The following FAT3 variants were observed in gnomAD, a reference collection of about 807,000 sequenced individuals.
FAT3 encodes the protein protocadherin Fat 3.
Under a neutral mutation model 310.2 loss-of-function variants are expected in FAT3, and 95 were observed. The ratio of observed to expected loss-of-function variants is 0.31; its 90% CI spans 0.26 to 0.36. FAT3 has a LOEUF of 0.36. FAT3 is among the 10% of genes least tolerant of loss of function. FAT3 has a pLI of 1.00. For missense variants in FAT3, 5,408 were observed against 5,715.6 expected (o/e 0.95, Z 1.74); for synonymous variants, 2,314 against 2,192.9 (o/e 1.06, Z -1.54).
intron 3 of FAT3, among the ~76,000 whole-genome samples, chr11:92,542,798 A>G (rs548420184): frequency 1.3e-5 from 2 of 152,232 alleles, no homozygotes; most frequent in South Asian, 2.1e-4. Flanking sequence ...TAAAGTTACC[A>G]TATGATCCAG....
At chr11:92,579,342 G>A (rs1367733593) in intron 3 of FAT3, among the ~76,000 whole-genome samples, 1 of 152,004 alleles carries the variant, frequency 6.6e-6, no homozygotes, top group Non-Finnish European at 1.5e-5. Context: ...AAAGAAATTG[G>A]TTTAAATTAT....
chr11:92,374,847 T>A (rs550450483), intron 2 of FAT3, among the ~76,000 whole-genome samples: 76 of 121,268 alleles, frequency 6.3e-4, no homozygotes, highest in African/African-American at 4.3e-3. Flanking sequence ...ACAGCAGTTT[T>A]TTTTTTTAAT....
At chr11:92,541,957 T>C (rs1200177805) in intron 3 of FAT3, among the ~76,000 whole-genome samples, 1 of 152,154 alleles carries the variant, frequency 6.6e-6, no homozygotes, top group Non-Finnish European at 1.5e-5. Context: ...CTGTTTTACA[T>C]GATGAAAGTC....
intron 1 of FAT3, among the ~76,000 whole-genome samples, chr11:92,229,872 A>C (rs1232385300): frequency 6.6e-6 from 1 of 151,616 alleles, no homozygotes; most frequent in African/African-American, 2.4e-5. Flanking sequence ...GATAGAAAAT[A>C]GAAAACAGAT....
intron 2 of FAT3, among the ~76,000 whole-genome samples, chr11:92,388,707 G>T (rs375478847): frequency 6.6e-5 from 10 of 152,088 alleles, no homozygotes; most frequent in African/African-American, 2.2e-4. Flanking sequence ...GATTTTCAAA[G>T]AAATATATGC....
chr11:92,668,814 C>T (rs2135816694), intron 3 of FAT3, among the ~76,000 whole-genome samples: 1 of 152,316 alleles, frequency 6.6e-6, no homozygotes, highest in African/African-American at 2.4e-5. Context: ...AACTTCTGAG[C>T]ACCTTCTAAG....
intron 1 of FAT3, among the ~76,000 whole-genome samples, chr11:92,282,998 G>A (rs1323131360): frequency 6.6e-6 from 1 of 151,960 alleles, no homozygotes; most frequent in Admixed American, 6.6e-5. Flanking sequence ...ATACTAAATT[G>A]TTCACTTATT....
intron 3 of FAT3, among the ~76,000 whole-genome samples, chr11:92,530,403 A>G (rs536359741): frequency 6.6e-6 from 1 of 152,248 alleles, no homozygotes; most frequent in African/African-American, 2.4e-5. Context: ...CAAGACAGCA[A>G]ACTTTATGAG....
At chr11:92,512,151 G>C (rs965823953) in intron 2 of FAT3, among the ~76,000 whole-genome samples, 1 of 152,054 alleles carries the variant, frequency 6.6e-6, no homozygotes, top group Non-Finnish European at 1.5e-5. Context: ...GTGCATTGAA[G>C]TATACATTTA....
At chr11:92,775,091 C>T (rs1362386364) in intron 7 of FAT3, among the ~76,000 whole-genome samples, 2 of 152,088 alleles carry the variant, frequency 1.3e-5, no homozygotes. Context: ...CTCTGAGATT[C>T]CCCTAACCCC....
At chr11:92,700,115 A>G (rs1944053544) in intron 4 of FAT3, among the ~76,000 whole-genome samples, 1 of 152,200 alleles carries the variant, frequency 6.6e-6, no homozygotes, top group Admixed American at 6.5e-5. Context: ...TGAAGCCACT[A>G]AAAGAAAGTT....
intron 19 of FAT3, among the ~76,000 whole-genome samples, chr11:92,847,396 T>C (rs1188090807): frequency 2.6e-5 from 4 of 152,204 alleles, no homozygotes; most frequent in African/African-American, 9.6e-5. Context: ...CTGTGCTATC[T>C]AGGTTTGTGT....
chr11:92,405,966 A>G lies in FAT3; in HGVS notation c.3292+50562A>G, dbSNP rs568723749. ...GTTTTGAGCTTTCCCCCAACTTCCT[A>G]GTTAAAACTGTGAACATTTTGAAAC... On this transcript the variant is annotated intron_variant, in intron 2 of 27. Transcript: ENST00000525166. 4.4e-4 allele frequency among the ~76,000 whole-genome samples: 67 copies of G among 152,324 alleles called. 1 individual carries two copies. Among genetic ancestry groups the G allele is most frequent in the African/African-American group, 1.5e-3 (62 of 41,572 alleles).
chr11:92,777,977 A>G (rs568405136), intron 7 of FAT3, among the ~76,000 whole-genome samples: 2 of 152,040 alleles, frequency 1.3e-5, no homozygotes, highest in East Asian at 3.9e-4. Context: ...ACTTCATCAG[A>G]GACATCAGAG....
At chr11:92,435,527 TTCTTTCTTTC>T in intron 2 of FAT3, among the ~76,000 whole-genome samples, 4 of 100,034 alleles carry the variant, frequency 4.0e-5, no homozygotes, top group Admixed American at 2.4e-4. Context: ...TCCTTTCTCT[TTCTTTCTTTC>T]CCTTCCTTCC....
At chr11:92,840,011 C>T (rs752401055) in intron 17 of FAT3, among the ~76,000 whole-genome samples, 2 of 152,116 alleles carry the variant, frequency 1.3e-5, no homozygotes, top group African/African-American at 2.4e-5. Flanking sequence ...ATGGCAAAAC[C>T]GTGTTCTAGA....
chr11:92,465,793 C>T (rs1951744385), intron 2 of FAT3, among the ~76,000 whole-genome samples: 1 of 151,666 alleles, frequency 6.6e-6, no homozygotes, highest in Non-Finnish European at 1.5e-5. Context: ...AGCACACCAA[C>T]ATGGCACATG....
intron 3 of FAT3, among the ~76,000 whole-genome samples, chr11:92,563,010 C>A (rs1488579634): frequency 6.6e-6 from 1 of 152,150 alleles, no homozygotes; most frequent in Non-Finnish European, 1.5e-5. Flanking sequence ...AATTAACCAT[C>A]ATATAGTGCT....
intron 3 of FAT3, among the ~76,000 whole-genome samples, chr11:92,673,882 T>C (rs1291473043): frequency 3.3e-5 from 5 of 152,086 alleles, no homozygotes; most frequent in Non-Finnish European, 7.4e-5. Context: ...TACTTATCAA[T>C]AGAAACACTT....
Sources: allele counts gnomAD v4.1 joint callset (sites outside exome capture counted in the v4.1 genomes callset), GRCh38; gene constraint gnomAD v4.1.1; transcripts MANE v1.5; gene names NCBI Gene and HGNC (gene_info 2026-07-23, HGNC 2026-07-21).